The following CPLANE1 variants were observed in gnomAD, a reference collection of about 807,000 sequenced individuals.
CPLANE1 encodes the protein ciliogenesis and planar polarity effector 1.
CPLANE1 carries 263 observed loss-of-function variants against 362.5 expected under a neutral mutation model. The observed-to-expected ratio is 0.73, with a 90% CI of 0.66 to 0.80. CPLANE1 has a LOEUF of 0.80. CPLANE1 is among the 30% of genes least tolerant of loss of function. CPLANE1 has a pLI of 0.00. For synonymous variants in CPLANE1, 1,212 were observed against 1,302.6 expected, an observed-to-expected ratio of 0.93 and a Z score of 1.50; for missense variants, 3,461 against 3,793.4, an observed-to-expected ratio of 0.91 and a Z score of 2.30.
chr5:37,132,846 C>T (rs1321483981), intron 46 of CPLANE1, among the ~76,000 whole-genome samples: 1 of 152,150 alleles, frequency 6.6e-6, no homozygotes, highest in African/African-American at 2.4e-5. Flanking sequence ...AAATTCTTTC[C>T]CAAGGCCAGT....
At position 37,198,771 on chromosome 5, in the gene CPLANE1, A is replaced by AC. The variant is rs1229657311; in HGVS notation, c.3602_3603insG (p.Gln1202SerfsTer42). The AC allele has an allele frequency of 1.9e-6, 3 of 1,614,170 alleles. No individual in the cohort carries two copies. The highest frequency in any genetic ancestry group is 2.5e-6 in the Non-Finnish European group (3 of 1,180,034). On this transcript the variant is annotated frameshift_variant, in exon 20 of 53. Transcript: ENST00000651892. ...ACTGTGCTACAGGAAAAGAACACTG[A>AC]GCCGCCCGGAAAAGCAGGAGAACAC... is the stretch of plus-strand genomic sequence containing the variant.
chr5:37,219,505 G>A (rs563458228), intron 15 of CPLANE1, among the ~76,000 whole-genome samples: 2 of 151,782 alleles, frequency 1.3e-5, no homozygotes, highest in Non-Finnish European at 2.9e-5. Flanking sequence ...TCCAGCCTGG[G>A]TGACAGAGCA....
chr5:37,161,074 G>A (rs1216749653), intron 38 of CPLANE1, among the ~76,000 whole-genome samples: 1 of 152,184 alleles, frequency 6.6e-6, no homozygotes, highest in Non-Finnish European at 1.5e-5. Flanking sequence ...ACTCATTGAA[G>A]CATAATTTGT....
At chr5:37,079,488 A>C in the CPLANE1 span, among the ~76,000 whole-genome samples, 4 of 152,152 alleles carry the variant, frequency 2.6e-5, no homozygotes, top group African/African-American at 9.7e-5. Context: ...CCTATGTAAA[A>C]AGTTTCCCTT....
intron 50 of CPLANE1, among the ~76,000 whole-genome samples, chr5:37,119,001 C>G (rs553878926): frequency 1.3e-5 from 2 of 152,102 alleles, no homozygotes; most frequent in Non-Finnish European, 2.9e-5. Context: ...CGTGAGCCAC[C>G]GCGCCGGGCC....
intron 19 of CPLANE1, 61 bp downstream of exon 19, chr5:37,201,530 A>G (rs1339173036): frequency 7.3e-7 from 1 of 1,377,856 alleles, no homozygotes; most frequent in Non-Finnish European, 1.0e-6. Flanking sequence ...CAAGTTAATT[A>G]TTTTAAAAAC....
intron 42 of CPLANE1, among the ~76,000 whole-genome samples, chr5:37,151,142 G>A (rs527973844): frequency 6.6e-6 from 1 of 152,274 alleles, no homozygotes; most frequent in East Asian, 1.9e-4. Context: ...TCTACTGCCA[G>A]ATGTCTTAAA....
At chr5:37,076,437 GA>G in the CPLANE1 span, among the ~76,000 whole-genome samples, 1 of 151,908 alleles carries the variant, frequency 6.6e-6, no homozygotes, top group African/African-American at 2.4e-5. Context: ...TTAGCCTCCC[GA>G]ATAGCTGGGA....
chr5:37,238,119 CA>C (rs1207803332), intron 8 of CPLANE1, among the ~76,000 whole-genome samples: 1 of 152,172 alleles, frequency 6.6e-6, no homozygotes, highest in Non-Finnish European at 1.5e-5. Flanking sequence ...TTCAACGCTG[CA>C]GTGAGCTATG....
rs552060827 is a variant in CPLANE1 at position 37,209,686 on chromosome 5, T to C, written c.2921-3261A>G. The C allele has an allele frequency of 1.2e-5, 16 of 1,282,410 alleles. No homozygotes were observed. In the South Asian group the frequency reaches 1.9e-4, roughly 15 times the overall value. The allele number at this position is 1,282,410 out of a possible 1,614,324, so 79.4% of individuals were successfully genotyped here. Reference sequence around the variant, plus strand: ...TTGGCAAAAGAAAAGGTATTTACTATGCAGGATCTATTACAACTCATTAAA... The same window carrying C: ...TTGGCAAAAGAAAAGGTATTTACTACGCAGGATCTATTACAACTCATTAAA... On this transcript the variant is annotated intron_variant, in intron 16 of 52. Coordinates refer to ENST00000651892, the MANE Select transcript of CPLANE1 (RefSeq NM_001384732.1). This position sits in a 1 kb window ranked among gnomAD's most constrained non-coding sequence, Gnocchi z 4.6.
intron 52 of CPLANE1, 83 bp from the exon 53 acceptor site, chr5:37,107,861 T>C: frequency 6.9e-7 from 1 of 1,448,192 alleles, no homozygotes; most frequent in Non-Finnish European, 9.1e-7. Context: ...GAACGTGAAC[T>C]AAGCTTTCCA....
chr5:37,157,192 A>G, intron 41 of CPLANE1, 121 bp downstream of exon 41: 1 of 383,552 alleles, frequency 2.6e-6, no homozygotes, highest in South Asian at 2.1e-5. Context: ...ACTTGCCCCC[A>G]TGCTCCTTAG....
At chr5:37,081,997 C>T in the CPLANE1 span, among the ~76,000 whole-genome samples, 1 of 151,198 alleles carries the variant, frequency 6.6e-6, no homozygotes, top group African/African-American at 2.4e-5. Flanking sequence ...ATGAGCAGGG[C>T]GTGGTGAATC....
Position 37,107,215 on chromosome 5 carries a change from T to C in CPLANE1, c.*387A>G. The stretch of plus-strand genomic sequence containing the variant: ...TTTTCTTCTCAATGAAAAGATTTTT[T>C]TTTTTCCTATTAGATTCATCTGTAT... On this transcript the variant is annotated 3_prime_UTR_variant, in exon 53 of 53. Transcript: ENST00000651892. 1.0e-6 allele frequency: 1 copy of C among 992,382 alleles called. No individual in the cohort carries two copies. Among genetic ancestry groups the C allele is most frequent in the Non-Finnish European group, 1.2e-6 (1 of 834,680 alleles). 61.5% of individuals were successfully genotyped at this position (992,382 alleles called of 1,614,324 possible).
chr5:37,172,499 G>A (rs1299830074), intron 32 of CPLANE1, among the ~76,000 whole-genome samples: 1 of 152,186 alleles, frequency 6.6e-6, no homozygotes, highest in African/African-American at 2.4e-5. Flanking sequence ...GACCAGTGAA[G>A]TCCCCAAGTA....
chr5:37,152,598 T>C (rs933287106), intron 42 of CPLANE1, among the ~76,000 whole-genome samples: 3 of 152,196 alleles, frequency 2.0e-5, no homozygotes, highest in African/African-American at 7.2e-5. Flanking sequence ...CTACCTTTTA[T>C]AGAAAACTAG....
intron 44 of CPLANE1, chr5:37,139,631 A>G: frequency 1.9e-6 from 1 of 533,574 alleles, no homozygotes; most frequent in Non-Finnish European, 2.5e-6. Context: ...GGCATACTAC[A>G]ACCTCTGCCT....
At chr5:37,120,090 G>T in intron 50 of CPLANE1, 126 bp downstream of exon 50, 1 of 908,284 alleles carries the variant, frequency 1.1e-6, no homozygotes, top group Non-Finnish European at 1.6e-6. Flanking sequence ...TCAATGCCTC[G>T]CCTTCTGTTC....
At position 37,165,638 on chromosome 5, in the gene CPLANE1, T is replaced by C; in HGVS notation, c.7434A>G (p.Glu2478=). The change falls in exon 36 of 53, where the codon GAA becomes GAG. Residue 2478 remains glutamate, a synonymous_variant. Coordinates refer to ENST00000651892, the MANE Select transcript of CPLANE1 (RefSeq NM_001384732.1). ...QRRRAEKELQ[E]KRCEKLRRKP... is the part of the protein sequence containing the mutation. Reference sequence around the variant, plus strand: ...TTCTCCTCAGTTTCTCACATCTTTTTTCTTGCAGCTCTTTCTCAGCTCTTC... The same window carrying C: ...TTCTCCTCAGTTTCTCACATCTTTTCTCTTGCAGCTCTTTCTCAGCTCTTC... 1 of 1,611,536 alleles carries C rather than the reference T, an allele frequency of 6.2e-7. No homozygotes were observed.
Sources: gnomAD v4.1 joint callset for allele counts (sites outside exome capture counted in the v4.1 genomes callset) on GRCh38, gnomAD v4.1.1 for gene constraint, Gnocchi (gnomAD v3.1) non-coding constraint, MANE v1.5 for transcripts, NCBI Gene and HGNC (gene_info 2026-07-23, HGNC 2026-07-21) for gene names.